Variants in DAB1 observed in about 807,000 individuals in gnomAD.
The protein encoded by DAB1 is disabled homolog 1.
A neutral mutation model predicts 64.6 loss-of-function variants in DAB1; 15 were observed. The ratio of observed to expected loss-of-function variants is 0.23; its 90% CI spans 0.16 to 0.36. DAB1 has a LOEUF of 0.36. DAB1 is among the 10% of genes least tolerant of loss of function. DAB1 has a pLI of 1.00. For missense variants in DAB1, 596 were observed against 706.7 expected (o/e 0.84, Z 1.78); for synonymous variants, 235 against 251.9 (o/e 0.93, Z 0.64).
In DAB1 at chr1:57,940,833, C is replaced by A. The variant is rs531499689; in HGVS notation, n.388-56671G>T. On this transcript the variant is annotated intron_variant and non_coding_transcript_variant, in intron 5 of 20. Coordinates refer to the DAB1 transcript ENST00000485760. Reference sequence around the variant, plus strand: ...AGGCTCCCTAGAGACAGTTGCTTACCAAGCTTCCAGTAAAGAAATGGTAGC... The same window carrying A: ...AGGCTCCCTAGAGACAGTTGCTTACAAAGCTTCCAGTAAAGAAATGGTAGC... Among the ~76,000 whole-genome samples, 8 of 152,264 alleles carry A rather than the reference C, an allele frequency of 5.3e-5. No individual in the cohort carries two copies. In the East Asian group the frequency reaches 1.5e-3, roughly 29 times the overall value.
chr1:58,082,985 T>G (rs1292192083), intron 5 of DAB1, among the ~76,000 whole-genome samples: 1 of 152,176 alleles, frequency 6.6e-6, no homozygotes, highest in Non-Finnish European at 1.5e-5. Flanking sequence ...AGAAAATGAA[T>G]CCACTTCAAG....
intron 2 of DAB1, among the ~76,000 whole-genome samples, chr1:57,207,240 A>AT (rs1665639445): frequency 6.6e-6 from 1 of 151,596 alleles, no homozygotes; most frequent in African/African-American, 2.4e-5. Flanking sequence ...AAGTGCTGGG[A>AT]TTACAGGCGT....
intron 7 of DAB1, among the ~76,000 whole-genome samples, chr1:57,430,908 GA>G (rs35725380): frequency 0.77 from 113,444 of 146,478 alleles, 44,135 homozygotes; most frequent in East Asian, 0.96. Flanking sequence ...GGCAGAGAAA[GA>G]AAAAAAAAAA....
chr1:57,048,178 T>A (rs887626427), intron 9 of DAB1, among the ~76,000 whole-genome samples: 5 of 152,176 alleles, frequency 3.3e-5, no homozygotes, highest in Admixed American at 6.5e-5. Context: ...AAGTAAGGGA[T>A]AAAAATTTCA....
At chr1:57,342,543 G>T (rs948109438) in intron 1 of DAB1, among the ~76,000 whole-genome samples, 4 of 152,202 alleles carry the variant, frequency 2.6e-5, no homozygotes, top group Admixed American at 6.5e-5. Context: ...AATATTATTT[G>T]CAGGAAAGCA....
chr1:57,644,290 T>G (rs1018597300), intron 7 of DAB1, among the ~76,000 whole-genome samples: 2 of 152,200 alleles, frequency 1.3e-5, no homozygotes, highest in Non-Finnish European at 2.9e-5. Flanking sequence ...GCTTTAGGGC[T>G]GAGAGGCGCA....
intron 5 of DAB1, among the ~76,000 whole-genome samples, chr1:58,124,398 C>G (rs1351855002): frequency 6.6e-6 from 1 of 151,992 alleles, no homozygotes; most frequent in Non-Finnish European, 1.5e-5. Flanking sequence ...TCATCATTTT[C>G]AACATTGGCG....
intron 7 of DAB1, among the ~76,000 whole-genome samples, chr1:57,598,521 G>A (rs1432404137): frequency 6.6e-6 from 1 of 152,180 alleles, no homozygotes; most frequent in East Asian, 1.9e-4. Context: ...ACTCAGCAAG[G>A]GAGAAAGCAA....
intron 2 of DAB1, among the ~76,000 whole-genome samples, chr1:57,241,125 G>T (rs1350932497): frequency 6.6e-6 from 1 of 152,166 alleles, no homozygotes; most frequent in Non-Finnish European, 1.5e-5. Context: ...AGTATCTCCA[G>T]TACTTAGTAA....
At chr1:58,245,127 A>T (rs1660472080) in intron 4 of DAB1, among the ~76,000 whole-genome samples, 1 of 152,226 alleles carries the variant, frequency 6.6e-6, no homozygotes, top group Non-Finnish European at 1.5e-5. Flanking sequence ...AGTACTGGGG[A>T]AAAGAGTATC....
rs147623387 is a variant in DAB1, at chr1:58,237,281, C to T, written n.310-86693G>A. On this transcript the variant is annotated intron_variant and non_coding_transcript_variant, in intron 4 of 20. Coordinates refer to the DAB1 transcript ENST00000485760. ...GAGAGGAAAAAGAAGGTATTTTGCA[C>T]GTACGTAGATGAAAATGCATGTACT... is the stretch of plus-strand genomic sequence containing the variant. Among the ~76,000 whole-genome samples, 736 of 152,170 alleles carry T rather than the reference C, an allele frequency of 4.8e-3. 4 individuals carry two copies. Among genetic ancestry groups the T allele is most frequent in the African/African-American group, 0.016 (677 of 41,518 alleles).
At chr1:57,442,777 T>C (rs1173867538) in intron 7 of DAB1, among the ~76,000 whole-genome samples, 2 of 152,236 alleles carry the variant, frequency 1.3e-5, no homozygotes, top group African/African-American at 4.8e-5. Context: ...GCGAGTGTCA[T>C]TTGCCACATG....
At chr1:57,947,488 T>C (rs1221104827) in intron 5 of DAB1, among the ~76,000 whole-genome samples, 1 of 152,110 alleles carries the variant, frequency 6.6e-6, no homozygotes, top group Non-Finnish European at 1.5e-5. Context: ...CATCCCTAGG[T>C]CTACCCACTA....
At chr1:57,789,261 A>T (rs17473210) in intron 6 of DAB1, among the ~76,000 whole-genome samples, 3,846 of 152,274 alleles carry the variant, frequency 0.025, 81 homozygotes, top group Middle Eastern at 0.051. Context: ...CTATTTATGC[A>T]GCAGACCACT....
chr1:57,473,909 A>T (rs1340330667), intron 7 of DAB1, among the ~76,000 whole-genome samples: 1 of 152,222 alleles, frequency 6.6e-6, no homozygotes, highest in African/African-American at 2.4e-5. Context: ...GGGTGCCCAT[A>T]GCGGAGACAC....
intron 6 of DAB1, among the ~76,000 whole-genome samples, chr1:57,662,489 C>A (rs1646399386): frequency 6.6e-6 from 1 of 152,230 alleles, no homozygotes; most frequent in Non-Finnish European, 1.5e-5. Flanking sequence ...AGCCACCACG[C>A]CTGGCCTGGA....
At chr1:57,172,397 C>T (rs1046007147) in intron 2 of DAB1, among the ~76,000 whole-genome samples, 9 of 152,128 alleles carry the variant, frequency 5.9e-5, no homozygotes, top group Non-Finnish European at 7.3e-5. Context: ...TGTTTCTCTT[C>T]TTAGTGATAA....
At chr1:58,165,044 C>T (rs991227340) in intron 4 of DAB1, among the ~76,000 whole-genome samples, 1 of 152,178 alleles carries the variant, frequency 6.6e-6, no homozygotes, top group Non-Finnish European at 1.5e-5. Context: ...GGCCCCATTT[C>T]CACATGGAAA....
At chr1:57,020,734 C>T (rs1017397951) in intron 11 of DAB1, among the ~76,000 whole-genome samples, 1 of 152,164 alleles carries the variant, frequency 6.6e-6, no homozygotes, top group African/African-American at 2.4e-5. Flanking sequence ...TGTAGTGATA[C>T]CACTTCTACA....
Sources: gnomAD v4.1 joint callset for allele counts (sites outside exome capture counted in the v4.1 genomes callset) on GRCh38, gnomAD v4.1.1 for gene constraint, MANE v1.5 for transcripts, NCBI Gene and HGNC (gene_info 2026-07-23, HGNC 2026-07-21) for gene names.